PRKAR2B: variants seen among roughly 807,000 people sequenced by gnomAD.
The protein encoded by PRKAR2B is protein kinase cAMP-dependent type II regulatory subunit beta.
In PRKAR2B, 14 loss-of-function variants were observed where a neutral mutation model predicts 49.9. The ratio of observed to expected loss-of-function variants is 0.28; its 90% CI spans 0.19 to 0.44. PRKAR2B has a LOEUF of 0.44. Among genes scored for constraint, PRKAR2B ranks in the 20% least tolerant of loss-of-function variants. The probability of loss-of-function intolerance (pLI) is 1.00; values close to 1 mark genes in which losing one functional copy is unlikely to be tolerated. For synonymous variants in PRKAR2B, 196 were observed against 197.7 expected, an observed-to-expected ratio of 0.99 and a Z score of 0.07; for missense variants, 393 against 537.9, an observed-to-expected ratio of 0.73 and a Z score of 2.67.
At chr7:107,085,466 TA>T (rs980592288) in intron 2 of PRKAR2B, among the ~76,000 whole-genome samples, 1 of 152,276 alleles carries the variant, frequency 6.6e-6, no homozygotes, top group East Asian at 1.9e-4. Flanking sequence ...GTTACATCAT[TA>T]AAAAACTTTT....
chr7:107,152,910 G>A (rs1796014430), intron 7 of PRKAR2B, among the ~76,000 whole-genome samples: 1 of 152,184 alleles, frequency 6.6e-6, no homozygotes, highest in African/African-American at 2.4e-5. Flanking sequence ...TTTCATTAAA[G>A]AAACAGCTGC....
In PRKAR2B at chr7:107,050,333, C is replaced by CTTTT. The variant is rs57752789; in HGVS notation, c.307+5145_307+5148dup. ...TTATTTTAGATAAGACAGTTACCAG[C>CTTTT]TTTTTTTTTTTTTTTTTTTTTTTTT... On this transcript the variant is annotated intron_variant, in intron 1 of 10. Transcript: ENST00000265717. 8.6e-3 allele frequency among the ~76,000 whole-genome samples: 588 copies of CTTTT among 68,592 alleles called. 122 individuals are homozygous for CTTTT. Among genetic ancestry groups the CTTTT allele is most frequent in the African/African-American group, 0.039 (538 of 13,952 alleles). 45.0% of individuals were successfully genotyped at this position (68,592 alleles called of 152,430 possible).
intron 1 of PRKAR2B, among the ~76,000 whole-genome samples, chr7:107,054,234 G>A (rs1445840454): frequency 6.6e-6 from 1 of 152,030 alleles, no homozygotes; most frequent in African/African-American, 2.4e-5. Flanking sequence ...GTTGCCTGTA[G>A]TCCCAGCTAC....
At chr7:107,137,887 A>C (rs529801040) in intron 4 of PRKAR2B, among the ~76,000 whole-genome samples, 1 of 152,178 alleles carries the variant, frequency 6.6e-6, no homozygotes, top group South Asian at 2.1e-4. Context: ...TAGTGTTCTA[A>C]AAATACATTA....
intron 2 of PRKAR2B, among the ~76,000 whole-genome samples, chr7:107,076,856 G>A (rs567035318): frequency 6.6e-6 from 1 of 152,158 alleles, no homozygotes; most frequent in African/African-American, 2.4e-5. Flanking sequence ...ACAAATCTCA[G>A]TGAAATCACC....
At chr7:107,097,212 C>T (rs879219859) in intron 2 of PRKAR2B, among the ~76,000 whole-genome samples, 1 of 152,132 alleles carries the variant, frequency 6.6e-6, no homozygotes, top group Non-Finnish European at 1.5e-5. Context: ...GGTGCATATA[C>T]ATTTAGGATA....
intron 2 of PRKAR2B, among the ~76,000 whole-genome samples, chr7:107,121,102 TA>T (rs968359572): frequency 2.0e-5 from 3 of 151,820 alleles, no homozygotes; most frequent in Non-Finnish European, 4.4e-5. Flanking sequence ...GTTGTACAGT[TA>T]GGGGGGTCTT....
intron 1 of PRKAR2B, among the ~76,000 whole-genome samples, chr7:107,058,540 C>T (rs1325511554): frequency 3.3e-5 from 5 of 152,040 alleles, no homozygotes; most frequent in African/African-American, 1.2e-4. Flanking sequence ...CTTTTGAGAT[C>T]TTTGTTTTTA....
chr7:107,128,825 G>T (rs2115606059), intron 4 of PRKAR2B: 1 of 131,748 alleles, frequency 7.6e-6, no homozygotes, highest in East Asian at 2.2e-4. Context: ...TAAGGATTTG[G>T]AAATCTCTAA....
intron 2 of PRKAR2B, among the ~76,000 whole-genome samples, chr7:107,101,787 C>T (rs965371729): frequency 2.6e-5 from 4 of 151,928 alleles, no homozygotes; most frequent in Admixed American, 6.6e-5. Context: ...CATGGGCTAC[C>T]ACTGTCCTAA....
chr7:107,115,417 C>A (rs919313185), intron 2 of PRKAR2B, among the ~76,000 whole-genome samples: 1 of 152,028 alleles, frequency 6.6e-6, no homozygotes, highest in Non-Finnish European at 1.5e-5. Context: ...ATTTATATTG[C>A]GTTTTTTATA....
chr7:107,153,067 C>T (rs1796017987), intron 7 of PRKAR2B, 110 bp from the exon 8 acceptor site: 1 of 603,008 alleles, frequency 1.7e-6, no homozygotes, highest in African/African-American at 1.9e-5. Flanking sequence ...ATACAACCTA[C>T]ACACTGCTCG....
chr7:107,097,724 G>C (rs926564027), intron 2 of PRKAR2B, among the ~76,000 whole-genome samples: 2 of 152,112 alleles, frequency 1.3e-5, no homozygotes, highest in African/African-American at 4.8e-5. Flanking sequence ...AAATCTCTCA[G>C]CATTTGCTTG....
At chr7:107,138,442 CTCATT>C (rs1795737067) in intron 4 of PRKAR2B, among the ~76,000 whole-genome samples, 1 of 152,220 alleles carries the variant, frequency 6.6e-6, no homozygotes, top group Admixed American at 6.5e-5. Context: ...GAGACAGAGT[CTCATT>C]CTGTTGCCCA....
At chr7:107,102,832 A>G (rs895101012) in intron 2 of PRKAR2B, among the ~76,000 whole-genome samples, 1 of 151,956 alleles carries the variant, frequency 6.6e-6, no homozygotes, top group African/African-American at 2.4e-5. Context: ...CACCATGCCT[A>G]GCTAATTTTT....
chr7:107,138,636 C>T (rs957895635), intron 4 of PRKAR2B, among the ~76,000 whole-genome samples: 1 of 151,856 alleles, frequency 6.6e-6, no homozygotes, highest in East Asian at 1.9e-4. Context: ...CAGCCTCAAC[C>T]TCCCAGGCTC....
chr7:107,143,637 A>C (rs909062587), intron 5 of PRKAR2B, among the ~76,000 whole-genome samples: 24 of 152,204 alleles, frequency 1.6e-4, no homozygotes, highest in African/African-American at 5.8e-4. Flanking sequence ...GTAGCATATA[A>C]ATTCAGAGTC....
intron 2 of PRKAR2B, among the ~76,000 whole-genome samples, chr7:107,082,617 A>T (rs777341411): frequency 6.6e-6 from 1 of 152,056 alleles, no homozygotes; most frequent in Non-Finnish European, 1.5e-5. Flanking sequence ...TTTTTTTGAG[A>T]TGGAGTCTCG....
At chr7:107,127,574 C>T (rs146135249) in intron 3 of PRKAR2B, among the ~76,000 whole-genome samples, 1 of 152,364 alleles carries the variant, frequency 6.6e-6, no homozygotes, top group African/African-American at 2.4e-5. Context: ...CACCAGCCAG[C>T]CTCCTTGGAC....
Sources: allele counts gnomAD v4.1 joint callset (sites outside exome capture counted in the v4.1 genomes callset), GRCh38; gene constraint gnomAD v4.1.1; transcripts MANE v1.5; gene names NCBI Gene and HGNC (gene_info 2026-07-23, HGNC 2026-07-21).